ANTXR1: variants seen among roughly 807,000 people sequenced by gnomAD.
The protein encoded by ANTXR1 is ANTXR cell adhesion molecule 1, also known as anthrax toxin receptor 1.
Under a neutral mutation model 78.1 loss-of-function variants are expected in ANTXR1, and 19 were observed. The ratio of observed to expected loss-of-function variants is 0.24; its 90% CI spans 0.17 to 0.36. The LOEUF (loss-of-function observed/expected upper bound fraction) is 0.36, where lower values mean the gene tolerates loss of function less well. Ranked by LOEUF, ANTXR1 falls within the 10% of genes least tolerant of loss-of-function variation. The probability of loss-of-function intolerance (pLI) is 1.00; values close to 1 mark genes in which losing one functional copy is unlikely to be tolerated. For missense variants in ANTXR1, 518 were observed against 718.6 expected, an observed-to-expected ratio of 0.72 and a Z score of 3.19; for synonymous variants, 273 against 260.5, an observed-to-expected ratio of 1.05 and a Z score of -0.46.
In ANTXR1 at chr2:69,104,733, G is replaced by A. The variant is rs1364431151; in HGVS notation, c.802+1793G>A. Among the ~76,000 whole-genome samples, 3 of 152,186 alleles carry A rather than the reference G, an allele frequency of 2.0e-5. No homozygotes were observed. In the East Asian group the frequency reaches 5.8e-4, roughly 29 times the overall value. On this transcript the variant is annotated intron_variant, in intron 10 of 17. Transcript: ENST00000303714. ...CTGAAGATACATGGAAGTGGGCTGG[G>A]GAGAGAGAGAATCTACCCTATGTGC...
At chr2:69,079,706 A>G (rs1000538360) in intron 8 of ANTXR1, among the ~76,000 whole-genome samples, 4 of 152,216 alleles carry the variant, frequency 2.6e-5, no homozygotes, top group African/African-American at 9.6e-5. Context: ...CAGTGCTTGC[A>G]TACGTGGGAG....
chr2:69,142,580 C>T (rs977408351), intron 12 of ANTXR1, among the ~76,000 whole-genome samples: 1 of 152,148 alleles, frequency 6.6e-6, no homozygotes, highest in African/African-American at 2.4e-5. Flanking sequence ...TTGGCAAAAC[C>T]GTGTCCATTT....
intron 17 of ANTXR1, among the ~76,000 whole-genome samples, chr2:69,194,757 G>A (rs1051839769): frequency 6.6e-6 from 1 of 152,242 alleles, no homozygotes; most frequent in African/African-American, 2.4e-5. Flanking sequence ...GGAGACTGAA[G>A]CAGGAGAATT....
chr2:69,174,675 G>A (rs1291546586), intron 14 of ANTXR1, among the ~76,000 whole-genome samples: 1 of 152,050 alleles, frequency 6.6e-6, no homozygotes, highest in Non-Finnish European at 1.5e-5. Context: ...TATAAAGTTG[G>A]TGACCTAATC....
At position 69,248,519 on chromosome 2, in the gene ANTXR1, G is replaced by T. The variant is rs188905231; in HGVS notation, c.*3034G>T. On this transcript the variant is annotated 3_prime_UTR_variant, in exon 18 of 18. Transcript: ENST00000303714. ...CTCACAGTTTCTTGCCTGAAGCTTG[G>T]TGCACCCTCCAGTGAGACACAAGAT... 2.6e-5 allele frequency: 4 copies of T among 152,698 alleles called. No homozygotes were observed. The East Asian group carries it at 7.7e-4, about 29-fold the overall frequency. 9.5% of individuals were successfully genotyped at this position (152,698 alleles called of 1,614,324 possible). A position where few individuals can be genotyped will look rare whatever the true frequency, so the allele number is the denominator to read the frequency against.
In ANTXR1 at chr2:69,084,848, C is replaced by CTTT. The variant is rs10708894; in HGVS notation, c.643-5991_643-5989dup. 5.4e-4 allele frequency among the ~76,000 whole-genome samples: 51 copies of CTTT among 94,042 alleles called. 1 individual carries two copies. Among genetic ancestry groups the CTTT allele is most frequent in the African/African-American group, 1.7e-3 (40 of 23,896 alleles). The allele number at this position is 94,042 out of a possible 152,430, so 61.7% of individuals were successfully genotyped here. On this transcript the variant is annotated intron_variant, in intron 8 of 17. Transcript: ENST00000303714. ...TGGAGAATTTAGTTAGAAAAGGCAA[C>CTTT]TTTTTTTTTTTTTTTTTTTTTTGAG...
chr2:69,240,463 C>A (rs562539349), intron 17 of ANTXR1, among the ~76,000 whole-genome samples: 2 of 152,296 alleles, frequency 1.3e-5, no homozygotes, highest in East Asian at 3.9e-4. Context: ...GCCATAAGCA[C>A]GCACCAGATC....
intron 10 of ANTXR1, among the ~76,000 whole-genome samples, chr2:69,104,861 A>T (rs1671752948): frequency 6.6e-6 from 1 of 152,202 alleles, no homozygotes; most frequent in Non-Finnish European, 1.5e-5. Flanking sequence ...AGGTGGGTGT[A>T]TGGCCTGAGC....
intron 17 of ANTXR1, among the ~76,000 whole-genome samples, chr2:69,194,431 C>T (rs1465368719): frequency 6.6e-6 from 1 of 152,222 alleles, no homozygotes; most frequent in East Asian, 1.9e-4. Flanking sequence ...GGCTGGAAAG[C>T]TCCAGGCAAA....
chr2:69,016,786 T>TTA (rs1304193082), intron 1 of ANTXR1, among the ~76,000 whole-genome samples: 2 of 152,250 alleles, frequency 1.3e-5, no homozygotes, highest in Non-Finnish European at 2.9e-5. Flanking sequence ...TACATTACTT[T>TTA]TATATTCAAC....
intron 12 of ANTXR1, among the ~76,000 whole-genome samples, chr2:69,131,464 C>T (rs1019285146): frequency 6.6e-6 from 1 of 152,222 alleles, no homozygotes; most frequent in Non-Finnish European, 1.5e-5. Flanking sequence ...GGGCCTCCGG[C>T]TGCCATATAG....
chr2:69,112,905 A>T (rs1672031340), intron 10 of ANTXR1, among the ~76,000 whole-genome samples: 1 of 152,162 alleles, frequency 6.6e-6, no homozygotes, highest in Non-Finnish European at 1.5e-5. Context: ...ATAATCTAGA[A>T]TGGTTGGGGG....
At chr2:69,128,260 G>A (rs1197588974) in intron 12 of ANTXR1, among the ~76,000 whole-genome samples, 2 of 151,862 alleles carry the variant, frequency 1.3e-5, no homozygotes, top group Non-Finnish European at 1.5e-5. Context: ...GCCCTTTTGT[G>A]CTTTAATTTC....
intron 17 of ANTXR1, among the ~76,000 whole-genome samples, chr2:69,216,382 C>T (rs972193042): frequency 1.3e-5 from 2 of 152,172 alleles, no homozygotes; most frequent in African/African-American, 2.4e-5. Flanking sequence ...TGCACATACA[C>T]ATACATATCT....
At chr2:69,122,900 A>G (rs541920785) in intron 10 of ANTXR1, 117 bp from the exon 11 acceptor site, 4 of 1,100,528 alleles carry the variant, frequency 3.6e-6, no homozygotes, top group African/African-American at 1.6e-5. Flanking sequence ...TTAAGCTCAA[A>G]AAGATTTTTG....
At chr2:69,118,622 C>G (rs905246285) in intron 10 of ANTXR1, among the ~76,000 whole-genome samples, 1 of 152,142 alleles carries the variant, frequency 6.6e-6, no homozygotes, top group Admixed American at 6.5e-5. Context: ...AGAGGGTGGA[C>G]CAGCAGGGGC....
At chr2:69,232,626 A>G (rs893477055) in intron 17 of ANTXR1, among the ~76,000 whole-genome samples, 1 of 152,196 alleles carries the variant, frequency 6.6e-6, no homozygotes, top group Non-Finnish European at 1.5e-5. Flanking sequence ...CATCTCAATA[A>G]AAACTTGTGG....
intron 17 of ANTXR1, among the ~76,000 whole-genome samples, chr2:69,220,026 T>G (rs1203242591): frequency 6.6e-6 from 1 of 152,228 alleles, no homozygotes; most frequent in East Asian, 1.9e-4. Flanking sequence ...TTGCATTTTA[T>G]TAAACCTGCA....
rs1032992595 is a variant in ANTXR1 at position 69,248,524 on chromosome 2, C to T, written c.*3039C>T. On this transcript the variant is annotated 3_prime_UTR_variant, in exon 18 of 18. Transcript: ENST00000303714. Reference sequence around the variant, plus strand: ...AGTTTCTTGCCTGAAGCTTGGTGCACCCTCCAGTGAGACACAAGATCTCTC... The same window carrying T: ...AGTTTCTTGCCTGAAGCTTGGTGCATCCTCCAGTGAGACACAAGATCTCTC... The T allele has an allele frequency of 2.0e-5, 3 of 152,566 alleles. No homozygotes were observed. Among genetic ancestry groups the T allele is most frequent in the Non-Finnish European group, 4.4e-5 (3 of 68,028 alleles). The allele number at this position is 152,566 out of a possible 1,614,324, so 9.5% of individuals were successfully genotyped here. A position where few individuals can be genotyped will look rare whatever the true frequency, so the allele number is the denominator to read the frequency against.
Sources: gnomAD v4.1 joint callset for allele counts (sites outside exome capture counted in the v4.1 genomes callset) on GRCh38, gnomAD v4.1.1 for gene constraint, MANE v1.5 for transcripts, NCBI Gene and HGNC (gene_info 2026-07-23, HGNC 2026-07-21) for gene names.